Variants in OPCML observed in about 807,000 individuals in gnomAD.
OPCML encodes opioid binding protein/cell adhesion molecule like, also known as opioid-binding protein/cell adhesion molecule.
In OPCML, 13 loss-of-function variants were observed where a neutral mutation model predicts 37.8. The observed-to-expected ratio is 0.34, with a 90% CI of 0.22 to 0.55. The LOEUF is 0.55. Among genes scored for constraint, OPCML ranks in the 20% least tolerant of loss-of-function variants. The pLI, the probability that OPCML is intolerant of heterozygous loss-of-function variation, is 0.91. For synonymous variants in OPCML, 176 were observed against 168.8 expected (o/e 1.04, Z -0.33); for missense variants, 341 against 435.6 (o/e 0.78, Z 1.93).
At chr11:132,832,004 T>C (rs1401812300) in intron 2 of OPCML, among the ~76,000 whole-genome samples, 1 of 151,864 alleles carries the variant, frequency 6.6e-6, no homozygotes, top group African/African-American at 2.4e-5. Flanking sequence ...ATGCCTCAAG[T>C]CCATCGCACA....
At chr11:132,802,698 T>C (rs78306871) in intron 2 of OPCML, among the ~76,000 whole-genome samples, 6,876 of 152,250 alleles carry the variant, frequency 0.045, 354 homozygotes, top group African/African-American at 0.13. Context: ...GTGAAGGGTC[T>C]ATGTTCCTAT....
At chr11:132,769,172 T>C (rs1302655591) in intron 2 of OPCML, among the ~76,000 whole-genome samples, 1 of 151,774 alleles carries the variant, frequency 6.6e-6, no homozygotes, top group African/African-American at 2.4e-5. Context: ...GTTATTAGGG[T>C]CTACACTGAA....
chr11:132,829,369 C>A (rs981550244), intron 2 of OPCML, among the ~76,000 whole-genome samples: 7 of 152,196 alleles, frequency 4.6e-5, no homozygotes, highest in African/African-American at 1.7e-4. Flanking sequence ...ACCATTATTT[C>A]TATCTGACAA....
chr11:132,508,837 C>A (rs752044007), intron 4 of OPCML, among the ~76,000 whole-genome samples: 3 of 152,112 alleles, frequency 2.0e-5, no homozygotes, highest in Non-Finnish European at 4.4e-5. Flanking sequence ...TCTTTATCAG[C>A]AGCGTGAAAA....
chr11:133,475,516 T>A (rs182650089), intron 1 of OPCML, among the ~76,000 whole-genome samples: 1 of 152,190 alleles, frequency 6.6e-6, no homozygotes, highest in East Asian at 1.9e-4. Flanking sequence ...GCGTCCTCTC[T>A]GTCCCATTGC....
intron 1 of OPCML, among the ~76,000 whole-genome samples, chr11:133,329,745 A>G (rs1943572553): frequency 6.6e-6 from 1 of 152,202 alleles, no homozygotes; most frequent in South Asian, 2.1e-4. Context: ...CTAGAAGAAA[A>G]CCTAGGCAAT....
chr11:133,147,301 G>A (rs1949911263), intron 1 of OPCML, among the ~76,000 whole-genome samples: 2 of 152,166 alleles, frequency 1.3e-5, no homozygotes, highest in African/African-American at 4.8e-5. Flanking sequence ...AGAAGACGAG[G>A]GAGGCAGTAG....
At chr11:133,523,965 G>A (rs1948441564) in intron 1 of OPCML, among the ~76,000 whole-genome samples, 1 of 152,142 alleles carries the variant, frequency 6.6e-6, no homozygotes, top group Non-Finnish European at 1.5e-5. Flanking sequence ...CCCTTCCATA[G>A]TTTCATGTCG....
At chr11:133,092,911 T>A (rs1228067646) in intron 1 of OPCML, among the ~76,000 whole-genome samples, 1 of 152,140 alleles carries the variant, frequency 6.6e-6, no homozygotes, top group Admixed American at 6.5e-5. Flanking sequence ...CAGTTATCCC[T>A]GAGACCCAGC....
chr11:132,846,587 A>G (rs1470578473), intron 2 of OPCML, among the ~76,000 whole-genome samples: 1 of 152,214 alleles, frequency 6.6e-6, no homozygotes, highest in Non-Finnish European at 1.5e-5. Context: ...AAAAATATAC[A>G]TAGAAATCTT....
rs1046835625 is a variant in OPCML, at chr11:133,495,568, GT to G, written c.61+36695del. Among the ~76,000 whole-genome samples, 101 of 152,188 alleles carry G rather than the reference GT, an allele frequency of 6.6e-4. 1 individual carries two copies. In the Middle Eastern group the frequency reaches 0.014, roughly 21 times the overall value. Reference sequence around the variant, plus strand: ...CACCGCATCCACACCAGCATCTACCGTTTTTTGATTTTTTTATTATGGCCAT... The same window carrying G: ...CACCGCATCCACACCAGCATCTACCGTTTTTGATTTTTTTATTATGGCCAT... On this transcript the variant is annotated intron_variant, in intron 1 of 7. Transcript: ENST00000524381.
intron 1 of OPCML, among the ~76,000 whole-genome samples, chr11:133,413,335 G>T (rs1357281652): frequency 3.5e-5 from 5 of 142,370 alleles, no homozygotes; most frequent in African/African-American, 1.2e-4. Context: ...TTGTGGGGTA[G>T]GGGGGAGGGG....
chr11:133,140,570 GAAGAAGA>G (rs1337836717), intron 1 of OPCML, among the ~76,000 whole-genome samples: 2 of 139,348 alleles, frequency 1.4e-5, no homozygotes, highest in African/African-American at 5.7e-5. Context: ...AGAAGAAGAA[GAAGAAGA>G]AAGAAGAAAA....
intron 2 of OPCML, among the ~76,000 whole-genome samples, chr11:132,804,111 C>T (rs1161135811): frequency 2.0e-5 from 3 of 152,162 alleles, no homozygotes; most frequent in African/African-American, 7.2e-5. Flanking sequence ...CAACACAAGA[C>T]TGAAATGGCT....
chr11:133,377,612 G>GAAAAA lies in OPCML; in HGVS notation c.61+154647_61+154651dup, dbSNP rs71477791. Among the ~76,000 whole-genome samples, 27 of 79,088 alleles carry GAAAAA rather than the reference G, an allele frequency of 3.4e-4. 2 individuals are homozygous for GAAAAA. The highest frequency in any genetic ancestry group is 9.1e-4 in the East Asian group (2 of 2,208). The allele number at this position is 79,088 out of a possible 152,430, so 51.9% of individuals were successfully genotyped here. A position where few individuals can be genotyped will look rare whatever the true frequency, so the allele number is the denominator to read the frequency against. On this transcript the variant is annotated intron_variant, in intron 1 of 7. Coordinates refer to ENST00000524381, the MANE Select transcript of OPCML (RefSeq NM_001012393.5). ...GCTCTCTCTGACGTGCCAGTATTCA[G>GAAAAA]AAAAAAAAAAAAAAAGAGCACCAAG...
intron 1 of OPCML, chr11:133,008,050 G>A (rs1213518038): frequency 1.0e-6 from 1 of 985,312 alleles, no homozygotes; most frequent in African/African-American, 1.7e-5. Flanking sequence ...TTGAGATCTT[G>A]CTGTACGGCT....
chr11:133,182,164 C>T lies in OPCML; in HGVS notation c.62-239154G>A, dbSNP rs142765638. Among the ~76,000 whole-genome samples, 360 of 152,312 alleles carry T rather than the reference C, an allele frequency of 2.4e-3. 1 individual carries two copies. The highest frequency in any genetic ancestry group is 8.3e-3 in the African/African-American group (345 of 41,566). On this transcript the variant is annotated intron_variant, in intron 1 of 7. Transcript: ENST00000524381. ...CTCAGCTGACTGCCCATCTTCAGTG[C>T]CTCACCAAAGAAAATCCATGTAGCA... is the stretch of plus-strand genomic sequence containing the variant.
intron 1 of OPCML, among the ~76,000 whole-genome samples, chr11:133,457,365 C>A (rs557889132): frequency 1.3e-5 from 2 of 152,062 alleles, no homozygotes; most frequent in East Asian, 3.9e-4. Flanking sequence ...GACTCCATCT[C>A]TGCAAAAAAT....
chr11:133,448,855 C>A (rs1382063637), intron 1 of OPCML, among the ~76,000 whole-genome samples: 1 of 152,178 alleles, frequency 6.6e-6, no homozygotes, highest in African/African-American at 2.4e-5. Flanking sequence ...TTTGTATACA[C>A]AATTCACAAG....
Sources: allele counts gnomAD v4.1 joint callset (sites outside exome capture counted in the v4.1 genomes callset), GRCh38; gene constraint gnomAD v4.1.1; transcripts MANE v1.5; gene names NCBI Gene and HGNC (gene_info 2026-07-23, HGNC 2026-07-21).